Variants in USP34 observed in about 807,000 individuals in gnomAD.
The protein encoded by USP34 is ubiquitin carboxyl-terminal hydrolase 34.
USP34 carries 70 observed loss-of-function variants against 460.3 expected under a neutral mutation model. The ratio of observed to expected loss-of-function variants is 0.15; its 90% confidence interval spans 0.13 to 0.19. The LOEUF (loss-of-function observed/expected upper bound fraction) is 0.19. USP34 is among the 10% of genes least tolerant of loss of function. The pLI is 1.00. For synonymous variants in USP34, 1,647 were observed against 1,405.3 expected, an observed-to-expected ratio of 1.17 and a Z score of -3.85; for missense variants, 3,985 against 4,236.2, an observed-to-expected ratio of 0.94 and a Z score of 1.65.
intron 5 of USP34, among the ~76,000 whole-genome samples, chr2:61,384,379 A>T (rs1170021521): frequency 2.6e-5 from 4 of 152,256 alleles, no homozygotes; most frequent in Middle Eastern, 3.4e-3. Context: ...GATACAAATT[A>T]AAAAATCTGG....
intron 4 of USP34, 83 bp from the exon 5 acceptor site, chr2:61,395,085 G>C: frequency 6.8e-7 from 1 of 1,466,458 alleles, no homozygotes; most frequent in South Asian, 1.3e-5. Flanking sequence ...ATACTGATGA[G>C]AAACTCAAAA....
rs200969099 is a variant in USP34 at position 61,228,954 on chromosome 2, C to T, written c.7241G>A (p.Arg2414His). Residue 2414 changes from arginine (R) to histidine (H), a missense_variant, in exon 60 of 80, where the codon CGT (arginine) becomes CAT (histidine). This residue lies in a region of USP34 where 604 missense variants were observed against 684.8 expected (regional missense o/e 0.88). Coordinates refer to ENST00000398571, the MANE Select transcript of USP34 (RefSeq NM_014709.4). ...MDTSVEDIGGRSCVTRFVRTL... is the reference protein window; with the variant it reads ...MDTSVEDIGGHSCVTRFVRTL... ...TCTCACAAAGCGAGTGACACATGAA[C>T]GACCACCAATATCTTCTACTGAGGT... 44 of 1,607,410 alleles carry T rather than the reference C, an allele frequency of 2.7e-5. No homozygotes were observed. Among genetic ancestry groups the T allele is most frequent in the African/African-American group, 1.1e-4 (8 of 74,608 alleles).
At position 61,192,400 on chromosome 2, in the gene USP34, T is replaced by C. The variant is rs1337728934; in HGVS notation, c.9588+501A>G. 2.0e-5 allele frequency among the ~76,000 whole-genome samples: 3 copies of C among 152,202 alleles called. No individual in the cohort carries two copies. In the South Asian group the frequency reaches 6.2e-4, roughly 31 times the overall value. ...GGAGTTGGCTCTTAGACACTTAAGGTAGGAACAGTAATCTTTCCTGTTTTC... is the reference window on the plus strand; with the variant it reads ...GGAGTTGGCTCTTAGACACTTAAGGCAGGAACAGTAATCTTTCCTGTTTTC... On this transcript the variant is annotated intron_variant, in intron 76 of 79. Coordinates refer to ENST00000398571, the MANE Select transcript of USP34 (RefSeq NM_014709.4).
chr2:61,428,730 A>AAAGAGGGGAACCTAG (rs1358209889), intron 1 of USP34, among the ~76,000 whole-genome samples: 2 of 152,248 alleles, frequency 1.3e-5, no homozygotes, highest in African/African-American at 4.8e-5. Flanking sequence ...AAATAAAAAG[A>AAAGAGGGGAACCTAG]AAGAGGGGAA....
At chr2:61,305,018 T>TA (rs533104458) in intron 27 of USP34, among the ~76,000 whole-genome samples, 1 of 152,262 alleles carries the variant, frequency 6.6e-6, no homozygotes, top group East Asian at 1.9e-4. Flanking sequence ...TCCAATAAAA[T>TA]AAATTTTAAA....
intron 35 of USP34, 100 bp from the exon 36 acceptor site, chr2:61,283,549 C>T: frequency 7.7e-7 from 1 of 1,302,698 alleles, no homozygotes; most frequent in Non-Finnish European, 1.1e-6. Flanking sequence ...CACTTCCCCC[C>T]CAAAAAAGGA....
intron 72 of USP34, among the ~76,000 whole-genome samples, chr2:61,204,832 T>C (rs967034036): frequency 6.6e-6 from 1 of 152,306 alleles, no homozygotes; most frequent in Middle Eastern, 3.4e-3. Context: ...CACTATTTAT[T>C]GGTATTTTGT....
rs199569871 is a variant in USP34 at position 61,296,759 on chromosome 2, G to T, written c.4254+41C>A. ...ACACTGTCAATAGGAATGTAAACTG[G>T]TAACAGCCTCTAGGAGAGTAAAGAG... On this transcript the variant is annotated intron_variant, in intron 30 of 79. Transcript: ENST00000398571. 6.9e-3 allele frequency: 10,884 copies of T among 1,586,236 alleles called. 55 individuals are homozygous for T. The highest frequency in any genetic ancestry group is 8.5e-3 in the Non-Finnish European group (9,877 of 1,168,430).
chr2:61,393,986 T>G (rs1384744747), intron 5 of USP34, among the ~76,000 whole-genome samples: 1 of 152,020 alleles, frequency 6.6e-6, no homozygotes, highest in African/African-American at 2.4e-5. Context: ...CCGGGCATGG[T>G]GGTTCGTGCC....
intron 38 of USP34, 138 bp downstream of exon 38, chr2:61,280,952 A>T (rs1196434963): frequency 1.1e-6 from 1 of 873,924 alleles, no homozygotes; most frequent in Admixed American, 2.8e-5. Context: ...CTTAAGTAGT[A>T]TATAACTACT....
intron 51 of USP34, 107 bp from the exon 52 acceptor site, chr2:61,241,926 T>G (rs1238094602): frequency 1.6e-6 from 1 of 613,704 alleles, no homozygotes; most frequent in South Asian, 2.8e-5. Flanking sequence ...AATAGTAACT[T>G]TGTAAGTAGT....
intron 70 of USP34, 93 bp from the exon 71 acceptor site, chr2:61,206,979 C>T (rs2103776359): frequency 3.0e-6 from 4 of 1,339,830 alleles, no homozygotes; most frequent in Admixed American, 2.1e-5. Context: ...TAGATGTTTT[C>T]AGACTCAGAC....
In USP34 at chr2:61,190,793, C is replaced by G. The variant is rs1686617426; in HGVS notation, c.9589-135G>C. The G allele has an allele frequency of 1.1e-5, 12 of 1,081,166 alleles. No homozygotes were observed. In the South Asian group the frequency reaches 2.3e-4, roughly 21 times the overall value. The allele number at this position is 1,081,166 out of a possible 1,614,324, so 67.0% of individuals were successfully genotyped here. A position where few individuals can be genotyped will look rare whatever the true frequency, so the allele number is the denominator to read the frequency against. On this transcript the variant is annotated intron_variant, in intron 76 of 79. Transcript: ENST00000398571. Reference sequence around the variant, plus strand: ...CCACTGAAAATCCTACTTGAAAAGCCATGTCTAACTCACCTATTGAATTTT... The same window carrying G: ...CCACTGAAAATCCTACTTGAAAAGCGATGTCTAACTCACCTATTGAATTTT...
Position 61,457,400 on chromosome 2 carries a change from G to T in USP34, c.43+13250C>A, listed in dbSNP as rs1573063753. ...TATGTTATAAACCCAATGATTAAAA[G>T]TAAAGCACACCTGAATATACACCTA... On this transcript the variant is annotated intron_variant, in intron 1 of 79. Coordinates refer to ENST00000398571, the MANE Select transcript of USP34 (RefSeq NM_014709.4). 2.0e-5 allele frequency among the ~76,000 whole-genome samples: 3 copies of T among 152,312 alleles called. No individual in the cohort carries two copies. In the South Asian group the frequency reaches 6.2e-4, roughly 32 times the overall value.
At chr2:61,265,714 A>T (rs954325014) in intron 42 of USP34, 157 bp from the exon 43 acceptor site, 2 of 737,294 alleles carry the variant, frequency 2.7e-6, no homozygotes, top group Non-Finnish European at 3.8e-6. Flanking sequence ...TACAGATGAA[A>T]ACTAATTTAT....
At position 61,228,925 on chromosome 2, in the gene USP34, G is replaced by A; in HGVS notation, c.7270C>T (p.Leu2424=). 1 of 1,610,210 alleles carries A rather than the reference G, an allele frequency of 6.2e-7. No homozygotes were observed. The highest frequency in any genetic ancestry group is 8.5e-7 in the Non-Finnish European group (1 of 1,178,002). The change falls in exon 60 of 80, where the codon CTG becomes TTG. Residue 2424 remains leucine, a synonymous_variant. Coordinates refer to ENST00000398571, the MANE Select transcript of USP34 (RefSeq NM_014709.4). ...ACACCATGTTCCATAATTAATAACA[G>A]GGTTCTCACAAAGCGAGTGACACAT... ...RSCVTRFVRT[L]LLIMEHGVKP... is the part of the protein sequence containing the mutation.
chr2:61,453,879 A>T (rs1695355449), intron 1 of USP34, among the ~76,000 whole-genome samples: 1 of 152,084 alleles, frequency 6.6e-6, no homozygotes. Flanking sequence ...GACTAAAAGT[A>T]GGCTGCCATT....
chr2:61,383,875 T>A (rs1033265287), intron 5 of USP34, among the ~76,000 whole-genome samples: 1 of 152,166 alleles, frequency 6.6e-6, no homozygotes. Flanking sequence ...TTACATGAAG[T>A]CTGTCTGAAA....
intron 67 of USP34, among the ~76,000 whole-genome samples, chr2:61,215,003 A>AG (rs1368095149): frequency 3.9e-5 from 6 of 152,240 alleles, no homozygotes; most frequent in African/African-American, 1.4e-4. Context: ...CTCAGGAAGT[A>AG]GTATGATTTA....
Sources: gnomAD v4.1 joint callset for allele counts (sites outside exome capture counted in the v4.1 genomes callset) on GRCh38, gnomAD v4.1.1 for gene constraint, gnomAD v4.1.1 regional missense constraint, MANE v1.5 for transcripts, NCBI Gene and HGNC (gene_info 2026-07-23, HGNC 2026-07-21) for gene names.